ADCY10: variants seen among roughly 807,000 people sequenced by gnomAD.
The protein encoded by ADCY10 is adenylate cyclase type 10.
Under a neutral mutation model 183.3 loss-of-function variants are expected in ADCY10, and 156 were observed. The ratio of observed to expected loss-of-function variants is 0.85; its 90% CI spans 0.75 to 0.97. The LOEUF is 0.97. Ranked by LOEUF, ADCY10 falls within the 50% of genes least tolerant of loss-of-function variation. The probability of loss-of-function intolerance (pLI) is 0.00; values close to 1 mark genes in which losing one functional copy is unlikely to be tolerated. For missense variants in ADCY10, 1,745 were observed against 1,934.3 expected, an observed-to-expected ratio of 0.90 and a Z score of 1.84; for synonymous variants, 645 against 670.0, an observed-to-expected ratio of 0.96 and a Z score of 0.58.
intron 1 of ADCY10, among the ~76,000 whole-genome samples, chr1:167,908,662 A>C (rs1669964127): frequency 1.3e-5 from 2 of 152,208 alleles, no homozygotes; most frequent in Admixed American, 1.3e-4. Flanking sequence ...CACCATAAAT[A>C]TGTACACTTT....
At chr1:167,843,127 CAG>C in intron 21 of ADCY10, among the ~76,000 whole-genome samples, 1 of 152,296 alleles carries the variant, frequency 6.6e-6, no homozygotes, top group East Asian at 1.9e-4. Flanking sequence ...AGACATTATT[CAG>C]AGACATTTGG....
intron 8 of ADCY10, among the ~76,000 whole-genome samples, chr1:167,884,552 C>G (rs1017756178): frequency 2.6e-5 from 4 of 152,228 alleles, no homozygotes; most frequent in Non-Finnish European, 4.4e-5. Flanking sequence ...CCCTGTTGTA[C>G]TAGCAAATAC....
chr1:167,845,220 CCAT>C (rs1664916950), intron 21 of ADCY10, among the ~76,000 whole-genome samples: 1 of 152,148 alleles, frequency 6.6e-6, no homozygotes, highest in Non-Finnish European at 1.5e-5. Context: ...CCAAGAAACA[CCAT>C]GTCATCATGT....
intron 14 of ADCY10, 130 bp from the exon 15 acceptor site, chr1:167,861,193 C>T: frequency 7.5e-6 from 6 of 801,000 alleles, no homozygotes; most frequent in Non-Finnish European, 1.2e-5. Context: ...AGCTATCTCG[C>T]AATGGTTCTT....
At chr1:167,865,755 A>G (rs1482226000) in intron 14 of ADCY10, among the ~76,000 whole-genome samples, 1 of 152,250 alleles carries the variant, frequency 6.6e-6, no homozygotes, top group African/African-American at 2.4e-5. Flanking sequence ...AAATGGATCA[A>G]ATATTCCATC....
intron 28 of ADCY10, among the ~76,000 whole-genome samples, chr1:167,823,679 T>C (rs2269677): frequency 0.61 from 92,310 of 152,002 alleles, 28,408 homozygotes; most frequent in African/African-American, 0.68. Context: ...CCTGGTCTAG[T>C]CTTGGTCCTT....
chr1:167,839,419 C>T (rs1463961444), intron 21 of ADCY10, among the ~76,000 whole-genome samples: 1 of 152,208 alleles, frequency 6.6e-6, no homozygotes, highest in Admixed American at 6.5e-5. Flanking sequence ...CTGTTTTGGA[C>T]CAAGGACCCT....
At chr1:167,884,421 G>A (rs1668078093) in intron 8 of ADCY10, among the ~76,000 whole-genome samples, 1 of 152,056 alleles carries the variant, frequency 6.6e-6, no homozygotes, top group Non-Finnish European at 1.5e-5. Context: ...CCACCCCTAT[G>A]ATCCAATCAC....
chr1:167,812,211 G>T (rs944585945), intron 31 of ADCY10, among the ~76,000 whole-genome samples: 1 of 43,008 alleles, frequency 2.3e-5, no homozygotes, highest in Non-Finnish European at 4.1e-5. Context: ...ACCTCTCCCC[G>T]TCATTGCAAG....
At position 167,880,589 on chromosome 1, in the gene ADCY10, GAC is replaced by G; in HGVS notation, c.1039_1040del (p.Val347LeufsTer10). The G allele has an allele frequency of 6.2e-7, 1 of 1,613,870 alleles. No homozygotes were observed. The highest frequency in any genetic ancestry group is 2.2e-5 in the East Asian group (1 of 44,872). ...MFDKGCSFLC[V>X]FGFPGEKVPD... The stretch of plus-strand genomic sequence containing the variant: ...GTACCTTTTCCCCAGGGAAGCCAAA[GAC>G]ACAGAGGAAAGAGCAGCCCTGTGAG... On this transcript the variant is annotated frameshift_variant, in exon 10 of 33. Coordinates refer to ENST00000367851, the MANE Select transcript of ADCY10 (RefSeq NM_018417.6). LOFTEE classifies it high-confidence loss of function.
chr1:167,865,938 T>C lies in ADCY10; in HGVS notation c.1616+4319A>G, dbSNP rs150567135. Among the ~76,000 whole-genome samples, 558 of 152,320 alleles carry C rather than the reference T, an allele frequency of 3.7e-3. 3 individuals are homozygous for C. Among genetic ancestry groups the C allele is most frequent in the African/African-American group, 0.013 (531 of 41,568 alleles). On this transcript the variant is annotated intron_variant, in intron 14 of 32. Transcript: ENST00000367851. Reference sequence around the variant, plus strand: ...AAGTCATGCCAAACTCTCTCTGCTATCCCTGTGGGTCAGCCCCCGAGGGCC... The same window carrying C: ...AAGTCATGCCAAACTCTCTCTGCTACCCCTGTGGGTCAGCCCCCGAGGGCC...
At chr1:167,866,508 CGA>C (rs999597256) in intron 14 of ADCY10, among the ~76,000 whole-genome samples, 28 of 132,560 alleles carry the variant, frequency 2.1e-4, no homozygotes, top group African/African-American at 6.7e-4. Context: ...CCTGACCTGA[CGA>C]AAGTGCACAC....
Position 167,902,060 on chromosome 1 carries a change from A to G in ADCY10, c.254-6T>C, listed in dbSNP as rs1443789724. The G allele has an allele frequency of 7.7e-6, 4 of 518,474 alleles. No individual in the cohort carries two copies. The highest frequency in any genetic ancestry group is 7.9e-5 in the African/African-American group (2 of 25,160). 32.1% of individuals were successfully genotyped at this position (518,474 alleles called of 1,614,324 possible). ...TCCTCCAAAAATCAACACTTCTGAG[A>G]AAAAAAAAAAAAATTAAATCAAACC... On this transcript the variant is annotated splice_polypyrimidine_tract_variant and splice_region_variant and intron_variant, in intron 3 of 32. Transcript: ENST00000367851.
intron 18 of ADCY10, among the ~76,000 whole-genome samples, chr1:167,853,474 T>C (rs986597545): frequency 6.6e-6 from 1 of 152,136 alleles, no homozygotes; most frequent in African/African-American, 2.4e-5. Context: ...GACTTAGAGC[T>C]TAAGAATCTA....
chr1:167,863,977 C>A (rs540759229), intron 14 of ADCY10, among the ~76,000 whole-genome samples: 1 of 152,128 alleles, frequency 6.6e-6, no homozygotes, highest in East Asian at 1.9e-4. Context: ...TGGGAACTTG[C>A]CCACTCCATT....
chr1:167,848,215 AT>A, intron 19 of ADCY10, 145 bp downstream of exon 19: 7 of 613,068 alleles, frequency 1.1e-5, no homozygotes, highest in Non-Finnish European at 1.1e-5. Flanking sequence ...TGCCTGGCTA[AT>A]TTTTTTGTAT....
Position 167,834,045 on chromosome 1 carries a change from C to A in ADCY10, c.3342G>T (p.Leu1114Phe). 1 of 1,614,122 alleles carries A rather than the reference C, an allele frequency of 6.2e-7. No individual in the cohort carries two copies. Among genetic ancestry groups the A allele is most frequent in the South Asian group, 1.1e-5 (1 of 91,076 alleles). Reference sequence around the variant, plus strand: ...ATTTGTCCTTCTTGAGAGTTTTTAGCAACTTCTGTCCTTCATTCAAATACA... The same window carrying A: ...ATTTGTCCTTCTTGAGAGTTTTTAGAAACTTCTGTCCTTCATTCAAATACA... ...AYMYLNEGQKLLKTLKKDKSW... is the reference protein window; with the variant it reads ...AYMYLNEGQKFLKTLKKDKSW... Residue 1114 changes from leucine (L) to phenylalanine (F), a missense_variant, in exon 24 of 33, where the codon TTG (leucine) becomes TTT (phenylalanine). Coordinates refer to ENST00000367851, the MANE Select transcript of ADCY10 (RefSeq NM_018417.6).
In ADCY10 at chr1:167,824,814, C is replaced by T. The variant is rs1296888083; in HGVS notation, c.3792G>A (p.Leu1264=). 2 of 1,614,090 alleles carry T rather than the reference C, an allele frequency of 1.2e-6. No individual in the cohort carries two copies. Among genetic ancestry groups the T allele is most frequent in the Admixed American group, 3.3e-5 (2 of 60,010 alleles). Residue 1264 remains leucine (L), a synonymous_variant, in exon 27 of 33, where the codon CTG becomes CTA. Coordinates refer to ENST00000367851, the MANE Select transcript of ADCY10 (RefSeq NM_018417.6). ...TGAACCACACACCTTTGTAGCCAGC[C>T]AGGTGGTGGTATAGCGAATAGTCTA... is the stretch of plus-strand genomic sequence containing the variant. ...AYLDYSLYHH[L]AGYKGVWFKY... is the part of the protein sequence containing the mutation.
At chr1:167,849,223 C>T (rs892643085) in intron 18 of ADCY10, among the ~76,000 whole-genome samples, 6 of 152,114 alleles carry the variant, frequency 3.9e-5, no homozygotes, top group Admixed American at 6.5e-5. Context: ...CAGTTACAAA[C>T]ACATTCTGTG....
Sources: allele counts gnomAD v4.1 joint callset (sites outside exome capture counted in the v4.1 genomes callset), GRCh38; gene constraint gnomAD v4.1.1; transcripts MANE v1.5; gene names NCBI Gene and HGNC (gene_info 2026-07-23, HGNC 2026-07-21).